Variants in RFX7 observed in about 807,000 individuals in gnomAD.
The protein encoded by RFX7 is DNA-binding protein RFX7.
In RFX7, 26 loss-of-function variants were observed where a neutral mutation model predicts 111.8. That is an observed-to-expected ratio of 0.23 (90% CI 0.17 to 0.32). The LOEUF (loss-of-function observed/expected upper bound fraction) is 0.32. Among genes scored for constraint, RFX7 ranks in the 10% least tolerant of loss-of-function variants. The pLI is 1.00. For synonymous variants in RFX7, 624 were observed against 624.4 expected, an observed-to-expected ratio of 1.00 and a Z score of 0.01; for missense variants, 1,573 against 1,772.9, an observed-to-expected ratio of 0.89 and a Z score of 2.02.
chr15:56,204,052 C>A (rs956973893), intron 2 of RFX7, among the ~76,000 whole-genome samples: 2 of 139,006 alleles, frequency 1.4e-5, no homozygotes, highest in Non-Finnish European at 3.0e-5. Flanking sequence ...TGGACTCTCA[C>A]TCTGTTGCCC....
chr15:56,159,786 G>A (rs556949877), intron 3 of RFX7, among the ~76,000 whole-genome samples: 3 of 152,288 alleles, frequency 2.0e-5, no homozygotes, highest in African/African-American at 7.2e-5. Context: ...CAGAGAACCA[G>A]AGAGAGTTTT....
chr15:56,228,674 T>C (rs1337846069), intron 2 of RFX7, among the ~76,000 whole-genome samples: 3 of 152,168 alleles, frequency 2.0e-5, no homozygotes, highest in African/African-American at 7.2e-5. Context: ...ACTTTTAAAA[T>C]GAGGCTGTAG....
intron 5 of RFX7, among the ~76,000 whole-genome samples, chr15:56,112,175 A>G (rs565689622): frequency 7.2e-5 from 11 of 151,894 alleles, no homozygotes; most frequent in Non-Finnish European, 1.5e-4. Flanking sequence ...GGCAGATGAG[A>G]AAACTGAGGA....
At chr15:56,187,256 G>A (rs1446403707) in intron 2 of RFX7, among the ~76,000 whole-genome samples, 1 of 151,330 alleles carries the variant, frequency 6.6e-6, no homozygotes, top group Admixed American at 6.6e-5. Context: ...TGTCACCCAG[G>A]CTGGAGGGCA....
chr15:56,095,750 G>A lies in RFX7; in HGVS notation c.1978C>T (p.Leu660=). 1 of 1,613,924 alleles carries A rather than the reference G, an allele frequency of 6.2e-7. No homozygotes were observed. Among genetic ancestry groups the A allele is most frequent in the South Asian group, 1.1e-5 (1 of 91,086 alleles). Residue 660 remains leucine, a synonymous_variant, in exon 10 of 10, where the codon CTG becomes TTG. Transcript: ENST00000559447. ...KLCTKSPRKR[L]SSTLQETQVP... is the part of the protein sequence containing the mutation. ...TGGGTCTCCTGCAATGTAGAAGACA[G>A]TCGTTTTCTTGGGCTTTTAGTGCAT...
chr15:56,095,690 G>A lies in RFX7; in HGVS notation c.2038C>T (p.Leu680Phe). Residue 680 changes from leucine to phenylalanine, a missense_variant, in exon 10 of 10, where the codon CTT (leucine) becomes TTT (phenylalanine). Physicochemically the swap from Leu to Phe is conservative, Grantham distance 22 (BLOSUM62 0). This residue lies in a region of RFX7 where 625 missense variants were observed against 632.2 expected (regional missense o/e 0.99). Transcript: ENST00000559447. Reference sequence around the variant, plus strand: ...TGCCCTTCTATGGTAGCTGCTGAAAGCTGTTCCACAATTGGTTTCTTTACA... The same window carrying A: ...TGCCCTTCTATGGTAGCTGCTGAAAACTGTTCCACAATTGGTTTCTTTACA... ...PPVKKPIVEQ[L>F]SAATIEGQKQ... 1 of 1,613,992 alleles carries A rather than the reference G, an allele frequency of 6.2e-7. No individual in the cohort carries two copies. Among genetic ancestry groups the A allele is most frequent in the South Asian group, 1.1e-5 (1 of 91,086 alleles).
chr15:56,128,223 C>T (rs905099686), intron 5 of RFX7, among the ~76,000 whole-genome samples: 3 of 152,006 alleles, frequency 2.0e-5, no homozygotes, highest in Non-Finnish European at 2.9e-5. Flanking sequence ...GAAGGGAATA[C>T]TTCTAAACTC....
chr15:56,178,073 A>G (rs2141127314), intron 3 of RFX7, among the ~76,000 whole-genome samples: 1 of 150,632 alleles, frequency 6.6e-6, no homozygotes, highest in Non-Finnish European at 1.5e-5. Context: ...ATGCAAGAGC[A>G]TTGGTGTCTT....
chr15:56,157,253 C>T (rs745984306), intron 3 of RFX7, among the ~76,000 whole-genome samples: 3 of 152,062 alleles, frequency 2.0e-5, no homozygotes, highest in African/African-American at 7.2e-5. Flanking sequence ...ATAATCTGAG[C>T]TTTTGGTCTT....
In RFX7 at chr15:56,092,208, T is replaced by C. The variant is rs2041604770; in HGVS notation, c.*1137A>G. Reference sequence around the variant, plus strand: ...AAATGCTCTTCTTCTTCAAGTACTATTGATATCCCCTTTGTTTCATCAGAG... The same window carrying C: ...AAATGCTCTTCTTCTTCAAGTACTACTGATATCCCCTTTGTTTCATCAGAG... On this transcript the variant is annotated 3_prime_UTR_variant, in exon 10 of 10. Transcript: ENST00000559447. The C allele has an allele frequency of 6.6e-6, 1 of 152,588 alleles. No homozygotes were observed. The highest frequency in any genetic ancestry group is 2.1e-4 in the South Asian group (1 of 4,830). 9.5% of individuals were successfully genotyped at this position (152,588 alleles called of 1,614,324 possible).
intron 5 of RFX7, among the ~76,000 whole-genome samples, chr15:56,113,316 G>C (rs550397856): frequency 2.6e-5 from 4 of 152,290 alleles, no homozygotes; most frequent in Admixed American, 6.5e-5. Context: ...ATACTATGCA[G>C]CCATTAAAAG....
At chr15:56,131,247 G>A (rs2042210243) in intron 5 of RFX7, among the ~76,000 whole-genome samples, 2 of 145,516 alleles carry the variant, frequency 1.4e-5, no homozygotes, top group African/African-American at 5.0e-5. Context: ...ATTCATTCTA[G>A]AAATAAGAGA....
At chr15:56,197,146 G>A (rs2141173900) in intron 2 of RFX7, among the ~76,000 whole-genome samples, 1 of 152,190 alleles carries the variant, frequency 6.6e-6, no homozygotes, top group East Asian at 1.9e-4. Flanking sequence ...ACACCTTAAT[G>A]TATTTGCTGA....
chr15:56,093,948 G>A lies in RFX7; in HGVS notation c.3780C>T (p.Asp1260=). 6.2e-7 allele frequency: 1 copy of A among 1,613,972 alleles called. No individual in the cohort carries two copies. The change falls in exon 10 of 10, where the codon GAC becomes GAT. Residue 1260 remains aspartate, a synonymous_variant. Transcript: ENST00000559447. ...TNVLLSKLDS[D]NDDAVRGLGM... ...CCAAACCTCTCACTGCATCATCATT[G>A]TCGGAATCAAGTTTACTCAACAAAA...
Position 56,090,003 on chromosome 15 carries a change from C to G in RFX7, c.*3342G>C, listed in dbSNP as rs150883695. On this transcript the variant is annotated 3_prime_UTR_variant, in exon 10 of 10. Coordinates refer to ENST00000559447, the MANE Select transcript of RFX7 (RefSeq NM_022841.7). ...TCTCAGTTTCAAGAGTGAGGAAACT[C>G]CATTCAAGACCCTGGTTTCATTACT... is the stretch of plus-strand genomic sequence containing the variant. 2.0e-5 allele frequency: 3 copies of G among 152,180 alleles called. No homozygotes were observed. The highest frequency in any genetic ancestry group is 4.8e-5 in the African/African-American group (2 of 41,456). 9.4% of individuals were successfully genotyped at this position (152,180 alleles called of 1,614,324 possible).
chr15:56,183,010 G>A (rs1172759323), intron 2 of RFX7, among the ~76,000 whole-genome samples: 1 of 151,924 alleles, frequency 6.6e-6, no homozygotes, highest in Non-Finnish European at 1.5e-5. Context: ...ATTTATACAT[G>A]ATATAGGTAA....
At chr15:56,141,427 T>C (rs533707963) in intron 5 of RFX7, among the ~76,000 whole-genome samples, 2 of 151,872 alleles carry the variant, frequency 1.3e-5, no homozygotes, top group East Asian at 3.9e-4. Context: ...TTCAACTGCC[T>C]CATTTTATAG....
intron 2 of RFX7, among the ~76,000 whole-genome samples, chr15:56,180,457 C>T (rs2141134601): frequency 6.6e-6 from 1 of 152,272 alleles, no homozygotes; most frequent in East Asian, 1.9e-4. Context: ...CTTTGTATAG[C>T]TTATAATTCA....
chr15:56,107,786 TA>T (rs1316378984), intron 5 of RFX7, among the ~76,000 whole-genome samples: 1 of 151,940 alleles, frequency 6.6e-6, no homozygotes, highest in Non-Finnish European at 1.5e-5. Flanking sequence ...CAAATAGCAA[TA>T]AAAAATGATG....
Sources: gnomAD v4.1 joint callset for allele counts (sites outside exome capture counted in the v4.1 genomes callset) on GRCh38, gnomAD v4.1.1 for gene constraint, gnomAD v4.1.1 regional missense constraint, MANE v1.5 for transcripts, NCBI Gene and HGNC (gene_info 2026-07-23, HGNC 2026-07-21) for gene names.